AKAP19: variants seen among roughly 807,000 people sequenced by gnomAD.
AKAP19 encodes the protein small A-kinase anchoring protein.
the AKAP19 span, among the ~76,000 whole-genome samples, chr2:190,142,870 G>A: frequency 1.2e-4 from 18 of 152,122 alleles, no homozygotes; most frequent in African/African-American, 3.6e-4. Context: ...GGCAGTGTGG[G>A]TGTCCTCAAG....
At chr2:189,924,226 G>C in the AKAP19 span, 7 of 1,514,928 alleles carry the variant, frequency 4.6e-6, no homozygotes, top group East Asian at 2.2e-5. Flanking sequence ...AGCACATAGT[G>C]GGGTTTAGAA....
chr2:190,112,649 G>A, the AKAP19 span, among the ~76,000 whole-genome samples: 1 of 151,888 alleles, frequency 6.6e-6, no homozygotes, highest in Non-Finnish European at 1.5e-5. Flanking sequence ...TGTTGAGTTG[G>A]TCAAATGACT....
chr2:190,069,825 GT>G, the AKAP19 span, among the ~76,000 whole-genome samples: 1 of 152,124 alleles, frequency 6.6e-6, no homozygotes, highest in Non-Finnish European at 1.5e-5. Context: ...AGATGATGCT[GT>G]TTTTGCCTAA....
the AKAP19 span, among the ~76,000 whole-genome samples, chr2:189,934,492 A>G: frequency 2.0e-5 from 3 of 151,894 alleles, no homozygotes; most frequent in Non-Finnish European, 2.9e-5. Flanking sequence ...AGAGGGAAAC[A>G]TTTTTTGTTG....
At chr2:189,964,856 C>T in the AKAP19 span, among the ~76,000 whole-genome samples, 1 of 152,182 alleles carries the variant, frequency 6.6e-6, no homozygotes, top group Non-Finnish European at 1.5e-5. Flanking sequence ...CAAACTTCCT[C>T]CTTACTGCAA....
chr2:189,979,149 G>T, the AKAP19 span, among the ~76,000 whole-genome samples: 2 of 151,620 alleles, frequency 1.3e-5, no homozygotes, highest in South Asian at 4.2e-4. Context: ...AAAGAACAAA[G>T]CTGGAGGCAT....
the AKAP19 span, among the ~76,000 whole-genome samples, chr2:190,023,781 G>A: frequency 1.7e-5 from 2 of 118,558 alleles, no homozygotes; most frequent in Non-Finnish European, 3.5e-5. Flanking sequence ...CTATTCTGTA[G>A]GTAATGTGTG....
the AKAP19 span, among the ~76,000 whole-genome samples, chr2:190,146,417 G>A: frequency 1.6e-4 from 25 of 152,244 alleles, no homozygotes; most frequent in South Asian, 2.1e-3. Flanking sequence ...TTGCTATTGC[G>A]AATTGTGCCA....
chr2:189,959,340 G>A, the AKAP19 span, among the ~76,000 whole-genome samples: 1 of 151,682 alleles, frequency 6.6e-6, no homozygotes, highest in Non-Finnish European at 1.5e-5. Flanking sequence ...ATAACCAACT[G>A]CTATTTCAGA....
the AKAP19 span, among the ~76,000 whole-genome samples, chr2:190,112,534 G>T: frequency 6.6e-6 from 1 of 152,094 alleles, no homozygotes; most frequent in Admixed American, 6.5e-5. Context: ...ATAGGTTTTT[G>T]ATAGATAACT....
At chr2:190,092,929 G>A in the AKAP19 span, among the ~76,000 whole-genome samples, 2 of 152,136 alleles carry the variant, frequency 1.3e-5, no homozygotes, top group African/African-American at 2.4e-5. Context: ...ACAGCGAGTC[G>A]ATTGCTAGAA....
the AKAP19 span, among the ~76,000 whole-genome samples, chr2:190,106,038 C>G: frequency 6.6e-6 from 1 of 152,148 alleles, no homozygotes; most frequent in African/African-American, 2.4e-5. Context: ...AAGTTAATTG[C>G]AATTTTCATA....
chr2:190,082,477 G>A, the AKAP19 span, among the ~76,000 whole-genome samples: 1 of 152,108 alleles, frequency 6.6e-6, no homozygotes, highest in Non-Finnish European at 1.5e-5. Context: ...AATAGTATAG[G>A]ATAAATAGAA....
the AKAP19 span, among the ~76,000 whole-genome samples, chr2:190,192,077 G>A: frequency 2.0e-5 from 3 of 151,374 alleles, no homozygotes; most frequent in African/African-American, 7.3e-5. Context: ...TTGTTTTATA[G>A]TTTTACATTT....
At chr2:190,005,634 G>A in the AKAP19 span, among the ~76,000 whole-genome samples, 5 of 152,320 alleles carry the variant, frequency 3.3e-5, no homozygotes, top group African/African-American at 4.8e-5. Context: ...AGGGCAGACA[G>A]ATGGATTCCC....
chr2:190,126,296 A>C, the AKAP19 span, among the ~76,000 whole-genome samples: 1 of 97,624 alleles, frequency 1.0e-5, no homozygotes, highest in Admixed American at 1.1e-4. Context: ...TCTCAAAAAA[A>C]AAAAAAAAAA....
the AKAP19 span, among the ~76,000 whole-genome samples, chr2:189,880,426 G>T: frequency 6.6e-6 from 1 of 152,188 alleles, no homozygotes; most frequent in African/African-American, 2.4e-5. Context: ...CGGGAGACAG[G>T]TCTGTATGCC....
At chr2:190,001,326 T>C in the AKAP19 span, among the ~76,000 whole-genome samples, 2 of 152,196 alleles carry the variant, frequency 1.3e-5, no homozygotes, top group Admixed American at 1.3e-4. Flanking sequence ...GGGAGTACCA[T>C]ACTCAGTTTC....
At chr2:190,164,343 C>T in the AKAP19 span, among the ~76,000 whole-genome samples, 2 of 152,048 alleles carry the variant, frequency 1.3e-5, no homozygotes, top group East Asian at 1.9e-4. Flanking sequence ...GAGACCAGCC[C>T]GGGAAACATG....
Sources: gnomAD v4.1 joint callset for allele counts (sites outside exome capture counted in the v4.1 genomes callset) on GRCh38, gnomAD v4.1.1 for gene constraint, MANE v1.5 for transcripts, NCBI Gene and HGNC (gene_info 2026-07-23, HGNC 2026-07-21) for gene names.